The following NBPF8 variants were observed in gnomAD, a reference collection of about 807,000 sequenced individuals.
NBPF8 encodes the protein NBPF family member NBPF8.
chr1:120,468,525 C>T (rs1463435529), downstream of NBPF8, among the ~76,000 whole-genome samples: 6 of 149,622 alleles, frequency 4.0e-5, no homozygotes, highest in South Asian at 4.3e-4. Context: ...GGTGTATGTT[C>T]TCATTGTGGG....
exon 15 of NBPF8, chr1:120,453,998 A>T: frequency 6.2e-7 from 1 of 1,611,592 alleles, no homozygotes; most frequent in Admixed American, 1.7e-5. Context: ...GGCCCTTATG[A>T]CTCCAACCAG....
downstream of NBPF8, among the ~76,000 whole-genome samples, chr1:120,468,024 T>C (rs1179434441): frequency 2.0e-5 from 3 of 151,774 alleles, no homozygotes; most frequent in South Asian, 2.1e-4. Context: ...ATGTTAAATA[T>C]TGCACTAAAA....
intron 1 of NBPF8, among the ~76,000 whole-genome samples, 64 bp downstream of exon 2, chr1:120,420,182 G>T (rs1660534720): frequency 6.6e-6 from 1 of 151,196 alleles, no homozygotes; most frequent in African/African-American, 2.4e-5. Flanking sequence ...TTATGACTCA[G>T]ATGTGAAGGG....
rs1287430012 is a variant in NBPF8 at position 120,427,039 on chromosome 1, C to CTT, written n.369-666_369-665insTT. On this transcript the variant is annotated intron_variant and non_coding_transcript_variant, in intron 2 of 28. Coordinates refer to the NBPF8 transcript ENST00000652355. Reference sequence around the variant, plus strand: ...ATTATTATTTATCATTTTTCTCACACTGTTTTGTGTATGGCTCCTATTGCA... The same window carrying CTT: ...ATTATTATTTATCATTTTTCTCACACTTTGTTTTGTGTATGGCTCCTATTGCA... 1.7e-5 allele frequency among the ~76,000 whole-genome samples: 2 copies of CTT among 118,002 alleles called. 1 individual carries two copies. The highest frequency in any genetic ancestry group is 1.5e-4 in the Admixed American group (2 of 13,224). 77.4% of individuals were successfully genotyped at this position (118,002 alleles called of 152,430 possible).
At chr1:120,450,904 G>T (rs1281067652) in intron 11 of NBPF8, among the ~76,000 whole-genome samples, 1 of 151,768 alleles carries the variant, frequency 6.6e-6, no homozygotes, top group East Asian at 1.9e-4. Context: ...TCAGACCTCA[G>T]GGACTGTGAA....
upstream of NBPF8, among the ~76,000 whole-genome samples, chr1:120,415,611 C>T (rs1553245057): frequency 1.3e-5 from 2 of 152,182 alleles, no homozygotes; most frequent in African/African-American, 2.4e-5. Context: ...ACCCCACCCT[C>T]GAGGCCAGAA....
rs1317289802 is a variant in NBPF8, at chr1:120,428,975, G to A, written n.510+1128G>A. Among the ~76,000 whole-genome samples the A allele has an allele frequency of 6.7e-5, 10 of 148,490 alleles. No homozygotes were observed. The East Asian group carries it at 1.8e-3, about 26-fold the overall frequency. Reference sequence around the variant, plus strand: ...ATATTAGTGTCACCTAGCGTTATTAGCTAGTATTCTCCTTTTGTTTCCCCA... The same window carrying A: ...ATATTAGTGTCACCTAGCGTTATTAACTAGTATTCTCCTTTTGTTTCCCCA... On this transcript the variant is annotated intron_variant and non_coding_transcript_variant, in intron 3 of 28. Transcript: ENST00000652355.
rs1332069829 is a variant in NBPF8 at position 120,455,288 on chromosome 1, T to C, written n.2569-121T>C. 35 of 646,616 alleles carry C rather than the reference T, an allele frequency of 5.4e-5. No homozygotes were observed. In the Middle Eastern group the frequency reaches 1.2e-3, roughly 22 times the overall value. 40.1% of individuals were successfully genotyped at this position (646,616 alleles called of 1,614,324 possible). A position where few individuals can be genotyped will look rare whatever the true frequency, so the allele number is the denominator to read the frequency against. Reference sequence around the variant, plus strand: ...TCTAGGACAACCTAGAATATTCCTGTCAGAATCCTTATTCTTGCACTGAGA... The same window carrying C: ...TCTAGGACAACCTAGAATATTCCTGCCAGAATCCTTATTCTTGCACTGAGA... On this transcript the variant is annotated intron_variant and non_coding_transcript_variant, in intron 15 of 24. Coordinates refer to ENST00000583271, the Ensembl canonical transcript of NBPF8.
At position 120,466,039 on chromosome 1, in the gene NBPF8, T is replaced by A. The variant is rs1193459512; in HGVS notation, n.3630T>A. On this transcript the variant is annotated non_coding_transcript_exon_variant, in exon 25 of 25. Transcript: ENST00000583271. ...AGTCTTACAGGACTCACTGGATAGATGTTATTCGACTCCATCAATGTACTG... is the reference window on the plus strand; with the variant it reads ...AGTCTTACAGGACTCACTGGATAGAAGTTATTCGACTCCATCAATGTACTG... 1.9e-5 allele frequency: 31 copies of A among 1,611,990 alleles called. No homozygotes were observed. In the East Asian group the frequency reaches 2.0e-4, roughly 10 times the overall value.
chr1:120,436,327 C>T (rs1661074683), upstream of NBPF8: 6 of 1,530,968 alleles, frequency 3.9e-6, no homozygotes, highest in South Asian at 2.4e-5. Context: ...CACCTCGAAC[C>T]TTGTTTTTGT....
chr1:120,468,386 G>GTT (rs1419994661), downstream of NBPF8, among the ~76,000 whole-genome samples: 8 of 149,268 alleles, frequency 5.4e-5, no homozygotes, highest in African/African-American at 2.0e-4. Context: ...GTCTCGCTGA[G>GTT]TTTAGCATGT....
At chr1:120,434,319 G>GTA, upstream of NBPF8, among the ~76,000 whole-genome samples, 1 of 144,508 alleles carries the variant, frequency 6.9e-6, no homozygotes, top group Non-Finnish European at 1.5e-5. Context: ...GTATATACAC[G>GTA]TATATATATT....
At chr1:120,468,907 C>T (rs1484750891), downstream of NBPF8, among the ~76,000 whole-genome samples, 167 of 151,970 alleles carry the variant, frequency 1.1e-3, no homozygotes, top group Non-Finnish European at 1.7e-3. Flanking sequence ...AAGAAAATCA[C>T]CTGAGGGCCA....
At chr1:120,417,823 A>G (rs1167398863), upstream of NBPF8, among the ~76,000 whole-genome samples, 1 of 145,462 alleles carries the variant, frequency 6.9e-6, no homozygotes, top group Non-Finnish European at 1.5e-5. Context: ...TTGGTCTCAA[A>G]CTCTTGGGCT....
At chr1:120,428,434 G>A (rs1302804839) in intron 3 of NBPF8, among the ~76,000 whole-genome samples, 1 of 152,078 alleles carries the variant, frequency 6.6e-6, no homozygotes. Flanking sequence ...ACCTACAGGG[G>A]AGATAGTGGA....
upstream of NBPF8, chr1:120,434,157 G>A (rs1660996563): frequency 6.6e-6 from 1 of 151,554 alleles, no homozygotes. Context: ...CTCGATGCAG[G>A]TGCTGTCCTC....
intron 3 of NBPF8, among the ~76,000 whole-genome samples, chr1:120,430,018 A>G (rs1660833763): frequency 1.4e-5 from 2 of 148,032 alleles, no homozygotes; most frequent in African/African-American, 2.5e-5. Flanking sequence ...AATGCTCAGC[A>G]TGATGAGAAC....
In NBPF8 at chr1:120,449,631, A is replaced by G. The variant is rs61810916; in HGVS notation, n.1971+229A>G. On this transcript the variant is annotated intron_variant and non_coding_transcript_variant, in intron 11 of 24. Coordinates refer to ENST00000583271, the Ensembl canonical transcript of NBPF8. ...GGGGTGGGACTAGAGTTAAACTGCC[A>G]TTTATTGATTTCTGACACAGGCACA... Among the ~76,000 whole-genome samples the G allele has an allele frequency of 6.9e-3, 1,056 of 152,282 alleles. 4 individuals carry two copies. The highest frequency in any genetic ancestry group is 0.011 in the Non-Finnish European group (741 of 68,022).
At chr1:120,415,598 C>T (rs1363381547), upstream of NBPF8, among the ~76,000 whole-genome samples, 1 of 152,152 alleles carries the variant, frequency 6.6e-6, no homozygotes, top group Non-Finnish European at 1.5e-5. Flanking sequence ...ACCCTGACCC[C>T]GCACCCCACC....
Sources: allele counts gnomAD v4.1 joint callset (sites outside exome capture counted in the v4.1 genomes callset), GRCh38; gene constraint gnomAD v4.1.1; transcripts MANE v1.5; gene names NCBI Gene and HGNC (gene_info 2026-07-23, HGNC 2026-07-21).